The following TBC1D2B variants were observed in gnomAD, a reference collection of about 807,000 sequenced individuals.
TBC1D2B encodes TBC1 domain family, member 2B.
Under a neutral mutation model 100.8 loss-of-function variants are expected in TBC1D2B, and 64 were observed. The ratio of observed to expected loss-of-function variants is 0.64; its 90% CI spans 0.52 to 0.78. TBC1D2B has a LOEUF of 0.78. TBC1D2B is among the 30% of genes least tolerant of loss of function. The probability of loss-of-function intolerance (pLI) is 0.00; values close to 1 mark genes in which losing one functional copy is unlikely to be tolerated. For missense variants in TBC1D2B, 1,052 were observed against 1,218.4 expected (o/e 0.86, Z 2.03); for synonymous variants, 480 against 479.7 (o/e 1.00, Z -0.01).
intron 1 of TBC1D2B, among the ~76,000 whole-genome samples, chr15:78,066,453 T>G (rs1366726707): frequency 6.6e-6 from 1 of 152,094 alleles, no homozygotes; most frequent in Non-Finnish European, 1.5e-5. Context: ...CACAGAGATC[T>G]GCAGCAGAAG....
At chr15:78,027,486 C>T (rs149536818) in intron 4 of TBC1D2B, among the ~76,000 whole-genome samples, 10 of 152,288 alleles carry the variant, frequency 6.6e-5, no homozygotes, top group South Asian at 4.1e-4. Context: ...GGCTGATTAT[C>T]GGAGCCATTT....
At position 78,013,115 on chromosome 15, in the gene TBC1D2B, G is replaced by A. The variant is rs891804312; in HGVS notation, c.1978C>T (p.Arg660Cys). 5 of 1,613,950 alleles carry A rather than the reference G, an allele frequency of 3.1e-6. No homozygotes were observed. Among genetic ancestry groups the A allele is most frequent in the Admixed American group, 1.7e-5 (1 of 60,014 alleles). The change falls in exon 9 of 13, where the codon CGT (arginine) becomes TGT (cysteine). Residue 660 changes from arginine to cysteine, a missense_variant. Arg to Cys is a radical substitution (Grantham distance 180). Around this residue, in one of 4 missense-constraint regions of TBC1D2B, gnomAD observed 373 missense variants for 464.9 expected, o/e 0.80. Transcript: ENST00000300584. The part of the protein sequence containing the change: ...MCSPELKNLI[R>C]AGIPHEHRSK... ...CGGTGCTCGTGGGGAATGCCCGCAC[G>A]GATGAGGTTTTTTAACTCTGGAGAG... is the stretch of plus-strand genomic sequence containing the variant.
chr15:78,013,973 G>A (rs1479570552), intron 8 of TBC1D2B, among the ~76,000 whole-genome samples: 4 of 152,182 alleles, frequency 2.6e-5, no homozygotes, highest in Non-Finnish European at 4.4e-5. Flanking sequence ...CAGGAGAGAC[G>A]GGAGGTGTGA....
In TBC1D2B at chr15:78,077,349, T is replaced by TGCCCGGCTCCGC; in HGVS notation, c.292_303dup (p.Ala98_Gly101dup). 1 of 1,538,638 alleles carries TGCCCGGCTCCGC rather than the reference T, an allele frequency of 6.5e-7. No homozygotes were observed. The highest frequency in any genetic ancestry group is 1.2e-5 in the South Asian group (1 of 82,918). Reference sequence around the variant, plus strand: ...ACCTGGAAGTGCGCGGGCGGCTCCGTGCCCGGCTCCGCCGCCTCGTCGGGG... The same window carrying TGCCCGGCTCCGC: ...ACCTGGAAGTGCGCGGGCGGCTCCGTGCCCGGCTCCGCGCCCGGCTCCGCCGCCTCGTCGGGG... On this transcript the variant is annotated inframe_insertion, in exon 1 of 13. Transcript: ENST00000300584.
Position 78,026,132 on chromosome 15 carries a change from A to G in TBC1D2B, c.848-635T>C, listed in dbSNP as rs1448558161. Among the ~76,000 whole-genome samples the G allele has an allele frequency of 5.4e-5, 8 of 148,526 alleles. No individual in the cohort carries two copies. In the Admixed American group the frequency reaches 5.6e-4, roughly 10 times the overall value. ...TTAGCAAAAAAGCAAAAACACTCAAATGTATGTTGGTTTTTGTTGTTTTTT... is the reference window on the plus strand; with the variant it reads ...TTAGCAAAAAAGCAAAAACACTCAAGTGTATGTTGGTTTTTGTTGTTTTTT... On this transcript the variant is annotated intron_variant, in intron 4 of 12. Transcript: ENST00000300584.
intron 8 of TBC1D2B, among the ~76,000 whole-genome samples, chr15:78,015,937 G>A (rs1359853356): frequency 6.6e-6 from 1 of 152,308 alleles, no homozygotes; most frequent in East Asian, 1.9e-4. Context: ...TGGGCCTACA[G>A]GGGTGGGGCA....
chr15:78,001,113 C>A (rs1016860792), intron 12 of TBC1D2B, among the ~76,000 whole-genome samples: 4 of 152,238 alleles, frequency 2.6e-5, no homozygotes, highest in African/African-American at 9.6e-5. Context: ...CCCAAACACA[C>A]GTGCCCCACA....
At chr15:78,040,611 A>AGAGAAG (rs2073052779) in intron 3 of TBC1D2B, among the ~76,000 whole-genome samples, 1 of 103,786 alleles carries the variant, frequency 9.6e-6, no homozygotes, top group Non-Finnish European at 2.1e-5. Context: ...AAAGTGAGAG[A>AGAGAAG]GAAAGAAAGA....
intron 1 of TBC1D2B, among the ~76,000 whole-genome samples, chr15:78,064,821 G>C (rs2073625076): frequency 6.6e-6 from 1 of 152,136 alleles, no homozygotes; most frequent in African/African-American, 2.4e-5. Flanking sequence ...CAGCAACAGA[G>C]ACTAAGAAGG....
rs187034269 is a variant in TBC1D2B, at chr15:78,026,434, G to T, written c.848-937C>A. 9.2e-5 allele frequency among the ~76,000 whole-genome samples: 14 copies of T among 152,192 alleles called. No homozygotes were observed. In the East Asian group the frequency reaches 2.1e-3, roughly 23 times the overall value. Reference sequence around the variant, plus strand: ...CTTTCTCTCTTGCCTTCCACCAAGGGACTATACAAAACAAAGGCTCTCCCC... The same window carrying T: ...CTTTCTCTCTTGCCTTCCACCAAGGTACTATACAAAACAAAGGCTCTCCCC... On this transcript the variant is annotated intron_variant, in intron 4 of 12. Coordinates refer to ENST00000300584, the MANE Select transcript of TBC1D2B (RefSeq NM_144572.2).
intron 10 of TBC1D2B, among the ~76,000 whole-genome samples, chr15:78,007,604 G>C (rs928046129): frequency 2.0e-5 from 3 of 152,216 alleles, no homozygotes; most frequent in African/African-American, 7.2e-5. Flanking sequence ...CACTTGCTCA[G>C]GGTCCAGCCA....
At position 78,025,495 on chromosome 15, in the gene TBC1D2B, C is replaced by T. The variant is rs78162825; in HGVS notation, c.850G>A (p.Val284Ile). The T allele has an allele frequency of 5.0e-6, 8 of 1,586,354 alleles. No homozygotes were observed. The highest frequency in any genetic ancestry group is 5.1e-6 in the Non-Finnish European group (6 of 1,168,158). The change falls in exon 5 of 13, where the codon GTA becomes ATA. Residue 284 changes from valine to isoleucine, a missense_variant and splice_region_variant. Coordinates refer to ENST00000300584, the MANE Select transcript of TBC1D2B (RefSeq NM_144572.2). Reference sequence around the variant, plus strand: ...TCAAAGGGGAATCCTGAGCCAGTTACTCCTACATAAAAATAAAACTTGTAT... The same window carrying T: ...TCAAAGGGGAATCCTGAGCCAGTTATTCCTACATAAAAATAAAACTTGTAT... Reference protein sequence around the residue: ...KKLTPEGNKGVTGSGFPFDFG... With the variant: ...KKLTPEGNKGITGSGFPFDFG...
At chr15:78,027,228 G>A (rs1332033166) in intron 4 of TBC1D2B, among the ~76,000 whole-genome samples, 2 of 152,204 alleles carry the variant, frequency 1.3e-5, no homozygotes, top group Non-Finnish European at 2.9e-5. Flanking sequence ...GTGGTTCCCT[G>A]GGGCGGGGTA....
intron 1 of TBC1D2B, among the ~76,000 whole-genome samples, chr15:78,071,161 T>C (rs2073737614): frequency 6.6e-6 from 1 of 152,098 alleles, no homozygotes. Context: ...AGGGATAGGG[T>C]CTCACTTTGT....
chr15:78,026,940 G>T (rs1275142351), intron 4 of TBC1D2B, among the ~76,000 whole-genome samples: 1 of 151,752 alleles, frequency 6.6e-6, no homozygotes, highest in African/African-American at 2.4e-5. Context: ...ATACCGTCAG[G>T]CCAGGCACAG....
chr15:78,012,452 C>T (rs2141656122), intron 9 of TBC1D2B, among the ~76,000 whole-genome samples: 1 of 152,318 alleles, frequency 6.6e-6, no homozygotes, highest in South Asian at 2.1e-4. Context: ...TCTTGATTCA[C>T]AAAAAGATCC....
intron 3 of TBC1D2B, among the ~76,000 whole-genome samples, chr15:78,032,380 G>A (rs750849309): frequency 1.4e-4 from 21 of 151,860 alleles, no homozygotes; most frequent in Admixed American, 1.1e-3. Flanking sequence ...TAATACATCC[G>A]AGAACAAAGC....
At chr15:78,040,882 G>GAA (rs1471917186) in intron 3 of TBC1D2B, among the ~76,000 whole-genome samples, 7,540 of 129,442 alleles carry the variant, frequency 0.058, 643 homozygotes, top group African/African-American at 0.15. Context: ...AAGAAAGAAA[G>GAA]AGAGAGAGAG....
intron 8 of TBC1D2B, among the ~76,000 whole-genome samples, chr15:78,016,166 G>A (rs2072369226): frequency 1.3e-5 from 2 of 151,876 alleles, no homozygotes; most frequent in South Asian, 4.1e-4. Context: ...TATGGGGGGT[G>A]TGTGTGTGTG....
Sources: gnomAD v4.1 joint callset for allele counts (sites outside exome capture counted in the v4.1 genomes callset) on GRCh38, gnomAD v4.1.1 for gene constraint, gnomAD v4.1.1 regional missense constraint, MANE v1.5 for transcripts, NCBI Gene and HGNC (gene_info 2026-07-23, HGNC 2026-07-21) for gene names.